The following TENM2 variants were observed in gnomAD, a reference collection of about 807,000 sequenced individuals.
TENM2 encodes the protein teneurin transmembrane protein 2, also known as teneurin-2.
TENM2 carries 52 observed loss-of-function variants against 245.2 expected under a neutral mutation model. The ratio of observed to expected loss-of-function variants is 0.21; its 90% confidence interval spans 0.17 to 0.27. The LOEUF (loss-of-function observed/expected upper bound fraction) is 0.27, where lower values mean the gene tolerates loss of function less well. Ranked by LOEUF, TENM2 falls within the 10% of genes least tolerant of loss-of-function variation. The pLI, the probability that TENM2 is intolerant of heterozygous loss-of-function variation, is 1.00. For missense variants in TENM2, 3,046 were observed against 3,666.8 expected (o/e 0.83, Z 4.37); for synonymous variants, 1,363 against 1,438.9 (o/e 0.95, Z 1.19).
At chr5:167,769,011 T>C (rs1763225449) in intron 2 of TENM2, among the ~76,000 whole-genome samples, 1 of 152,220 alleles carries the variant, frequency 6.6e-6, no homozygotes, top group African/African-American at 2.4e-5. Context: ...ACTTTACAGT[T>C]AAATCAACAG....
chr5:167,774,808 A>G (rs993226722), intron 2 of TENM2, among the ~76,000 whole-genome samples: 10 of 152,292 alleles, frequency 6.6e-5, no homozygotes, highest in South Asian at 2.1e-4. Flanking sequence ...CTGAGTCCCC[A>G]TGCCCATGGG....
At chr5:167,916,373 A>G (rs539311272) in intron 3 of TENM2, among the ~76,000 whole-genome samples, 4 of 152,170 alleles carry the variant, frequency 2.6e-5, no homozygotes, top group Admixed American at 2.0e-4. Context: ...GTCAGAGCCA[A>G]AGGACTTGGT....
At chr5:167,869,774 GA>G (rs2151334132) in intron 2 of TENM2, among the ~76,000 whole-genome samples, 1 of 152,096 alleles carries the variant, frequency 6.6e-6, no homozygotes, top group Admixed American at 6.5e-5. Context: ...CACAGACCTT[GA>G]AAAACCCGAT....
intron 25 of TENM2, among the ~76,000 whole-genome samples, chr5:168,234,157 G>A (rs2161300): frequency 2.0e-5 from 3 of 151,790 alleles, no homozygotes; most frequent in Non-Finnish European, 2.9e-5. Flanking sequence ...TTGCGGGGGT[G>A]GGGGGTGGTC....
At chr5:167,568,987 C>A (rs1466066286) in intron 2 of TENM2, among the ~76,000 whole-genome samples, 1 of 149,504 alleles carries the variant, frequency 6.7e-6, no homozygotes, top group Non-Finnish European at 1.5e-5. Flanking sequence ...CTTTTCCATG[C>A]ATGGAATGGG....
chr5:167,056,651 A>G, the TENM2 span, among the ~76,000 whole-genome samples: 4 of 147,416 alleles, frequency 2.7e-5, no homozygotes, highest in African/African-American at 9.8e-5. Context: ...AAATATATCT[A>G]TATAAATATA....
At chr5:167,135,931 T>C in the TENM2 span, among the ~76,000 whole-genome samples, 476 of 152,338 alleles carry the variant, frequency 3.1e-3, 15 homozygotes, top group Non-Finnish European at 5.0e-4. Flanking sequence ...TGATTTTATT[T>C]CCAGTAGTAC....
At chr5:168,255,513 T>C (rs1461528918) in intron 27 of TENM2, among the ~76,000 whole-genome samples, 1 of 151,992 alleles carries the variant, frequency 6.6e-6, no homozygotes, top group Non-Finnish European at 1.5e-5. Flanking sequence ...ACCATATTGA[T>C]CAAGCTGGTC....
intron 25 of TENM2, among the ~76,000 whole-genome samples, chr5:168,231,597 G>A (rs10065873): frequency 0.031 from 4,769 of 152,218 alleles, 221 homozygotes; most frequent in African/African-American, 0.11. Flanking sequence ...TGGGATGTGT[G>A]GCATTAGAAA....
Position 167,396,869 on chromosome 5 carries a change from G to A in TENM2, c.502+21396G>A, listed in dbSNP as rs1762083199. ...GGCTTTGAATGTCAAGGGCTAGGGA[G>A]AGATGCATCTTGGGCACCTTTCTTA... On this transcript the variant is annotated intron_variant, in intron 2 of 28. Transcript: ENST00000518659. Among the ~76,000 whole-genome samples the A allele has an allele frequency of 3.3e-5, 5 of 152,172 alleles. No homozygotes were observed. The South Asian group carries it at 1.0e-3, about 32-fold the overall frequency.
At chr5:168,260,215 T>G in intron 27 of TENM2, 68 bp from the exon 30 acceptor site, 1 of 1,578,640 alleles carries the variant, frequency 6.3e-7, no homozygotes, top group African/African-American at 1.3e-5. Flanking sequence ...TTGTTCTCTC[T>G]TTAAGCTCTG....
intron 4 of TENM2, among the ~76,000 whole-genome samples, chr5:167,972,349 T>A (rs1386059692): frequency 6.6e-6 from 1 of 152,202 alleles, no homozygotes; most frequent in Admixed American, 6.5e-5. Context: ...TTTTTATCAC[T>A]TAATCAGATA....
At chr5:168,018,186 C>T (rs1472873298) in intron 5 of TENM2, among the ~76,000 whole-genome samples, 1 of 152,144 alleles carries the variant, frequency 6.6e-6, no homozygotes, top group Admixed American at 6.5e-5. Flanking sequence ...ACTAATCTTT[C>T]TCTCTTTCCC....
Position 167,613,430 on chromosome 5 carries a change from A to G in TENM2, c.502+237957A>G, listed in dbSNP as rs537387594. Among the ~76,000 whole-genome samples the G allele has an allele frequency of 1.1e-4, 16 of 152,288 alleles. No homozygotes were observed. The South Asian group carries it at 2.9e-3, about 28-fold the overall frequency. ...TGCTCGTTTACCAGTGAAGAAATGA[A>G]GACTCCAAAGGTTATTGTGTCCAGA... is the stretch of plus-strand genomic sequence containing the variant. On this transcript the variant is annotated intron_variant, in intron 2 of 28. Coordinates refer to ENST00000518659, the Ensembl canonical transcript of TENM2.
chr5:168,004,487 C>T (rs574748365), intron 5 of TENM2, among the ~76,000 whole-genome samples: 7 of 150,042 alleles, frequency 4.7e-5, no homozygotes, highest in Non-Finnish European at 8.9e-5. Context: ...GAGGTCAGCC[C>T]CCATTTGGGA....
At chr5:167,025,355 T>C in the TENM2 span, among the ~76,000 whole-genome samples, 2 of 152,192 alleles carry the variant, frequency 1.3e-5, no homozygotes, top group Admixed American at 6.5e-5. Flanking sequence ...AACTATTTGA[T>C]ATACATTTGG....
chr5:168,216,074 G>A (rs867658238), intron 21 of TENM2, among the ~76,000 whole-genome samples: 6 of 152,360 alleles, frequency 3.9e-5, no homozygotes, highest in Middle Eastern at 6.8e-3. Flanking sequence ...AGTCATCTGA[G>A]AGTCCAATTC....
At chr5:167,791,382 G>A (rs1258969855) in intron 2 of TENM2, among the ~76,000 whole-genome samples, 1 of 132,312 alleles carries the variant, frequency 7.6e-6, no homozygotes, top group Non-Finnish European at 1.7e-5. Flanking sequence ...GGATAGCAAA[G>A]TGCTTTACAT....
intron 4 of TENM2, among the ~76,000 whole-genome samples, chr5:167,991,232 A>T (rs1455754956): frequency 6.6e-6 from 1 of 152,242 alleles, no homozygotes; most frequent in African/African-American, 2.4e-5. Flanking sequence ...TAACTGTAGT[A>T]ACATTTTGAA....
Sources: allele counts gnomAD v4.1 joint callset (sites outside exome capture counted in the v4.1 genomes callset), GRCh38; gene constraint gnomAD v4.1.1; transcripts MANE v1.5; gene names NCBI Gene and HGNC (gene_info 2026-07-23, HGNC 2026-07-21).